The following RAB4A variants were observed in gnomAD, a reference collection of about 807,000 sequenced individuals.
The protein encoded by RAB4A is RAB4A, member RAS oncogene family, also known as ras-related protein Rab-4A.
In RAB4A, 20 loss-of-function variants were observed where a neutral mutation model predicts 34.5. The observed-to-expected ratio is 0.58, with a 90% CI of 0.41 to 0.84. RAB4A has a LOEUF of 0.84. Among genes scored for constraint, RAB4A ranks in the 40% least tolerant of loss-of-function variants. RAB4A has a pLI of 0.00. For synonymous variants in RAB4A, 102 were observed against 100.0 expected, an observed-to-expected ratio of 1.02 and a Z score of -0.12; for missense variants, 228 against 274.5, an observed-to-expected ratio of 0.83 and a Z score of 1.20.
intron 1 of RAB4A, among the ~76,000 whole-genome samples, chr1:229,272,420 A>T (rs72481821): frequency 6.6e-6 from 1 of 152,078 alleles, no homozygotes; most frequent in South Asian, 2.1e-4. Context: ...AGGGCTGTAC[A>T]TCCTGCAGAA....
At chr1:229,275,021 A>G (rs1656604150) in intron 1 of RAB4A, among the ~76,000 whole-genome samples, 1 of 152,136 alleles carries the variant, frequency 6.6e-6, no homozygotes. Flanking sequence ...TTATCAGAAT[A>G]TTTTCCTTAA....
In RAB4A at chr1:229,295,911, G is replaced by C. The variant is rs111689510; in HGVS notation, c.290+1G>C. On this transcript the variant is annotated splice_donor_variant, in intron 4 of 7. Coordinates refer to ENST00000366690, the MANE Select transcript of RAB4A (RefSeq NM_004578.4). LOFTEE classifies it high-confidence loss of function. ...CTCTCCTCGTCTATGATATCACCAGGTAATGCCAGCTCCCCCTGGTGAAGG... is the reference window on the plus strand; with the variant it reads ...CTCTCCTCGTCTATGATATCACCAGCTAATGCCAGCTCCCCCTGGTGAAGG... 6.2e-7 allele frequency: 1 copy of C among 1,614,072 alleles called. No homozygotes were observed. The highest frequency in any genetic ancestry group is 8.5e-7 in the Non-Finnish European group (1 of 1,179,974).
chr1:229,294,400 G>A (rs978430107), intron 3 of RAB4A, among the ~76,000 whole-genome samples: 5 of 152,242 alleles, frequency 3.3e-5, no homozygotes, highest in African/African-American at 4.8e-5. Flanking sequence ...CAGAGGCTGC[G>A]CGAGTGAGTG....
At chr1:229,289,310 G>A (rs953274884) in intron 3 of RAB4A, 7 of 153,354 alleles carry the variant, frequency 4.6e-5, no homozygotes, top group African/African-American at 1.4e-4. Flanking sequence ...TCATAACTGA[G>A]GCTCAGAATG....
chr1:229,295,078 G>T (rs1032900405), intron 3 of RAB4A, among the ~76,000 whole-genome samples: 1 of 150,876 alleles, frequency 6.6e-6, no homozygotes, highest in Non-Finnish European at 1.5e-5. Context: ...TTCTGTCTCA[G>T]CCTCCTGAGT....
intron 4 of RAB4A, among the ~76,000 whole-genome samples, chr1:229,296,219 G>T (rs1451480955): frequency 6.6e-6 from 1 of 152,232 alleles, no homozygotes; most frequent in African/African-American, 2.4e-5. Flanking sequence ...AAAGCTTTAT[G>T]TATGGAAAGT....
intron 4 of RAB4A, 126 bp downstream of exon 4, chr1:229,296,036 C>G (rs1471132095): frequency 1.1e-6 from 1 of 888,408 alleles, no homozygotes; most frequent in African/African-American, 1.7e-5. Context: ...TGGCTGGCAT[C>G]CAGGAAGCCC....
intron 6 of RAB4A, among the ~76,000 whole-genome samples, chr1:229,302,257 T>TTACATATATA (rs1657401539): frequency 2.3e-5 from 1 of 44,340 alleles, no homozygotes; most frequent in Non-Finnish European, 4.1e-5. Flanking sequence ...CAGTAAATAA[T>TTACATATATA]TATATATATA....
intron 3 of RAB4A, among the ~76,000 whole-genome samples, chr1:229,294,685 C>G (rs377469956): frequency 2.0e-5 from 3 of 152,154 alleles, no homozygotes; most frequent in South Asian, 2.1e-4. Context: ...ACTAAAAATA[C>G]AAAAATTAGC....
intron 1 of RAB4A, 114 bp downstream of exon 1, chr1:229,271,484 CG>C (rs1322801736): frequency 1.7e-5 from 15 of 908,320 alleles, no homozygotes; most frequent in Non-Finnish European, 2.0e-5. Context: ...CGGCCGGAGC[CG>C]GGGGACGGAT....
At chr1:229,298,848 A>G in intron 5 of RAB4A, 129 bp from the exon 6 acceptor site, 1 of 670,180 alleles carries the variant, frequency 1.5e-6, no homozygotes, top group South Asian at 1.8e-5. Flanking sequence ...ATATTTACAG[A>G]AATATATGGT....
rs977873640 is a variant in RAB4A, at chr1:229,304,318, A to ATGG, written c.*528_*530dup. On this transcript the variant is annotated 3_prime_UTR_variant, in exon 8 of 8. Coordinates refer to ENST00000366690, the MANE Select transcript of RAB4A (RefSeq NM_004578.4). ...TTTAACTCCGTTTACTACATTCTAC[A>ATGG]TGGTGTTTACGTGATCCACACTTGA... 37 of 152,006 alleles carry ATGG rather than the reference A, an allele frequency of 2.4e-4. No individual in the cohort carries two copies. Among genetic ancestry groups the ATGG allele is most frequent in the African/African-American group, 8.0e-4 (33 of 41,346 alleles). The allele number at this position is 152,006 out of a possible 1,614,324, so 9.4% of individuals were successfully genotyped here. A position where few individuals can be genotyped will look rare whatever the true frequency, so the allele number is the denominator to read the frequency against.
chr1:229,271,500 G>T, intron 1 of RAB4A, 130 bp downstream of exon 1: 1 of 806,222 alleles, frequency 1.2e-6, no homozygotes, highest in African/African-American at 1.8e-5. Context: ...ACGGATCTCG[G>T]AGGTGTCTGG....
rs185417057 is a variant in RAB4A at position 229,295,439 on chromosome 1, G to A, written c.228-409G>A. ...TCCTGTGGTGACTATGGATTCCACC[G>A]CGCCGAGAGGTGGCGAGAACTGGAA... On this transcript the variant is annotated intron_variant, in intron 3 of 7. Transcript: ENST00000366690. Among the ~76,000 whole-genome samples, 6 of 152,252 alleles carry A rather than the reference G, an allele frequency of 3.9e-5. No individual in the cohort carries two copies. The East Asian group carries it at 7.7e-4, about 20-fold the overall frequency.
intron 2 of RAB4A, among the ~76,000 whole-genome samples, chr1:229,287,840 C>T (rs1204583367): frequency 1.3e-5 from 2 of 152,174 alleles, no homozygotes; most frequent in Non-Finnish European, 2.9e-5. Context: ...TCCCTGATCT[C>T]TGAAACAATT....
At chr1:229,273,171 G>C (rs1312542421) in intron 1 of RAB4A, among the ~76,000 whole-genome samples, 1 of 152,178 alleles carries the variant, frequency 6.6e-6, no homozygotes, top group Non-Finnish European at 1.5e-5. Flanking sequence ...AGTAAGAAAG[G>C]ATTGGAAGAG....
chr1:229,298,528 A>G (rs1336949196), intron 5 of RAB4A, among the ~76,000 whole-genome samples: 3 of 152,204 alleles, frequency 2.0e-5, no homozygotes, highest in Non-Finnish European at 4.4e-5. Flanking sequence ...TAATTCCTAT[A>G]CTGTCTCTTC....
chr1:229,294,622 C>T lies in RAB4A; in HGVS notation c.228-1226C>T, dbSNP rs150288096. Among the ~76,000 whole-genome samples the T allele has an allele frequency of 1.1e-3, 160 of 152,282 alleles. 4 individuals are homozygous for T. The East Asian group carries it at 0.028, about 26-fold the overall frequency. On this transcript the variant is annotated intron_variant, in intron 3 of 7. Coordinates refer to ENST00000366690, the MANE Select transcript of RAB4A (RefSeq NM_004578.4). Reference sequence around the variant, plus strand: ...TGGGAGGCCGAGGCGGGTGGATCATCCGAGGTCAAGAGTTCGAGACCAGCC... The same window carrying T: ...TGGGAGGCCGAGGCGGGTGGATCATTCGAGGTCAAGAGTTCGAGACCAGCC...
chr1:229,292,535 C>T (rs1473603957), intron 3 of RAB4A, among the ~76,000 whole-genome samples: 1 of 152,142 alleles, frequency 6.6e-6, no homozygotes, highest in Non-Finnish European at 1.5e-5. Flanking sequence ...AGCAAACAGT[C>T]CACTCTGCAC....
Sources: gnomAD v4.1 joint callset for allele counts (sites outside exome capture counted in the v4.1 genomes callset) on GRCh38, gnomAD v4.1.1 for gene constraint, MANE v1.5 for transcripts, NCBI Gene and HGNC (gene_info 2026-07-23, HGNC 2026-07-21) for gene names.